Variants in RASA1 observed in about 807,000 individuals in gnomAD.
RASA1 encodes the protein ras GTPase-activating protein 1.
RASA1 carries 25 observed loss-of-function variants against 132.2 expected under a neutral mutation model. That is an observed-to-expected ratio of 0.19 (90% CI 0.14 to 0.26). The LOEUF is 0.26. RASA1 is among the 10% of genes least tolerant of loss of function. RASA1 has a pLI of 1.00. For missense variants in RASA1, 964 were observed against 1,299.2 expected (o/e 0.74, Z 3.97); for synonymous variants, 477 against 449.9 (o/e 1.06, Z -0.76).
rs1762555068 is a variant in RASA1 at position 87,391,910 on chromosome 5, T to G, written c.*1027T>G. On this transcript the variant is annotated 3_prime_UTR_variant, in exon 25 of 25. Coordinates refer to ENST00000274376, the MANE Select transcript of RASA1 (RefSeq NM_002890.3). ...TAAGTTAAAATAAAACCAAGGGATA[T>G]CTTGCATAATTGATTACTTCTGTCT... is the stretch of plus-strand genomic sequence containing the variant. 4.4e-6 allele frequency: 1 copy of G among 227,194 alleles called. No individual in the cohort carries two copies. Among genetic ancestry groups the G allele is most frequent in the Non-Finnish European group, 8.8e-6 (1 of 114,240 alleles). The allele number at this position is 227,194 out of a possible 1,614,324, so 14.1% of individuals were successfully genotyped here. A position where few individuals can be genotyped will look rare whatever the true frequency, so the allele number is the denominator to read the frequency against.
At chr5:87,370,384 C>T (rs938481401) in intron 12 of RASA1, among the ~76,000 whole-genome samples, 5 of 152,156 alleles carry the variant, frequency 3.3e-5, no homozygotes, top group African/African-American at 1.2e-4. Flanking sequence ...AGCTATTAAT[C>T]CATGTGCAGT....
At chr5:87,326,495 A>G (rs1757239418) in intron 1 of RASA1, among the ~76,000 whole-genome samples, 1 of 152,284 alleles carries the variant, frequency 6.6e-6, no homozygotes, top group East Asian at 1.9e-4. Flanking sequence ...GAAGACATGT[A>G]TGTACTTCTT....
chr5:87,390,662 A>T, intron 24 of RASA1, 138 bp from the exon 25 acceptor site: 3 of 738,892 alleles, frequency 4.1e-6, no homozygotes, highest in Non-Finnish European at 7.3e-6. Flanking sequence ...AATAATAGAG[A>T]CTTATGTTTT....
At chr5:87,281,131 C>T (rs1204956077) in intron 1 of RASA1, among the ~76,000 whole-genome samples, 1 of 151,912 alleles carries the variant, frequency 6.6e-6, no homozygotes, top group East Asian at 1.9e-4. Flanking sequence ...TATGGTAATT[C>T]TGTTTTTAAT....
In RASA1 at chr5:87,335,048, A is replaced by C. The variant is rs139240819; in HGVS notation, c.899+1711A>C. Reference sequence around the variant, plus strand: ...CAGGCGTGTGTCACCAAGTCCAGCTAAGTTTTGTAATTTAGTAGAGATGGG... The same window carrying C: ...CAGGCGTGTGTCACCAAGTCCAGCTCAGTTTTGTAATTTAGTAGAGATGGG... On this transcript the variant is annotated intron_variant, in intron 4 of 24. Coordinates refer to ENST00000274376, the MANE Select transcript of RASA1 (RefSeq NM_002890.3). 3.6e-3 allele frequency among the ~76,000 whole-genome samples: 553 copies of C among 152,248 alleles called. 9 individuals are homozygous for C. The highest frequency in any genetic ancestry group is 3.8e-3 in the Admixed American group (58 of 15,300).
chr5:87,338,398 C>G (rs1758134931), intron 5 of RASA1, among the ~76,000 whole-genome samples: 1 of 149,476 alleles, frequency 6.7e-6, no homozygotes, highest in Non-Finnish European at 1.5e-5. Context: ...GTGGCGTGAT[C>G]TCGGCTCACT....
At position 87,268,681 on chromosome 5, in the gene RASA1, T is replaced by G; in HGVS notation, c.230T>G (p.Val77Gly). The change falls in exon 1 of 25, where the codon GTG becomes GGG. Residue 77 changes from valine (V) to glycine (G), a missense_variant. Physicochemically the swap from Val to Gly is moderately radical, Grantham distance 109. Transcript: ENST00000274376. ...TCAGAGTTCCTAGGAGCCGGGTCTG[T>G]GGCAGGGGCACTGGGGGGAGCTGGA... is the stretch of plus-strand genomic sequence containing the variant. The part of the protein sequence containing the change: ...LGSEFLGAGS[V>G]AGALGGAGLT... 7.4e-6 allele frequency: 12 copies of G among 1,611,540 alleles called. No individual in the cohort carries two copies. Among genetic ancestry groups the G allele is most frequent in the Non-Finnish European group, 1.0e-5 (12 of 1,178,992 alleles).
chr5:87,307,049 G>A (rs1477969339), intron 1 of RASA1, among the ~76,000 whole-genome samples: 3 of 152,048 alleles, frequency 2.0e-5, no homozygotes, highest in Non-Finnish European at 4.4e-5. Flanking sequence ...AACCTTTTTT[G>A]TAGAGTTGGG....
intron 1 of RASA1, among the ~76,000 whole-genome samples, chr5:87,273,703 T>C (rs1398291687): frequency 6.7e-6 from 1 of 149,654 alleles, no homozygotes; most frequent in Non-Finnish European, 1.5e-5. Flanking sequence ...TCTTTTTCTT[T>C]TTTTTTTTTT....
rs772563173 is a variant in RASA1 at position 87,346,591 on chromosome 5, C to A, written c.1050-81C>A. The stretch of plus-strand genomic sequence containing the variant: ...ATTTTATCACTTTGAATTAAACTTA[C>A]TATATTGGTTGTTTAATTTTGATCA... On this transcript the variant is annotated intron_variant, in intron 6 of 24. Transcript: ENST00000274376. 8.8e-5 allele frequency: 71 copies of A among 806,562 alleles called. 1 individual carries two copies. The highest frequency in any genetic ancestry group is 2.4e-4 in the Admixed American group (11 of 44,978). The allele number at this position is 806,562 out of a possible 1,614,324, so 50.0% of individuals were successfully genotyped here.
chr5:87,354,168 T>C (rs1277775195), intron 9 of RASA1, among the ~76,000 whole-genome samples: 1 of 152,056 alleles, frequency 6.6e-6, no homozygotes, highest in Non-Finnish European at 1.5e-5. Flanking sequence ...GAATCATTAA[T>C]CTGAAGCTAA....
rs1211110181 is a variant in RASA1, at chr5:87,370,851, C to A, written c.1698+951C>A. ...GAGGAAGATGCTCTTAAAACTAGAT[C>A]CTAGCGTGAGACTCACAGAATAAAC... On this transcript the variant is annotated intron_variant, in intron 12 of 24. Coordinates refer to ENST00000274376, the MANE Select transcript of RASA1 (RefSeq NM_002890.3). Among the ~76,000 whole-genome samples, 4 of 152,214 alleles carry A rather than the reference C, an allele frequency of 2.6e-5. No homozygotes were observed. In the East Asian group the frequency reaches 7.7e-4, roughly 29 times the overall value.
rs541715012 is a variant in RASA1 at position 87,391,520 on chromosome 5, CAT to C, written c.*639_*640del. On this transcript the variant is annotated 3_prime_UTR_variant, in exon 25 of 25. Coordinates refer to ENST00000274376, the MANE Select transcript of RASA1 (RefSeq NM_002890.3). ...TTGCTCATCAGCTTTATTTTTTAAACATACGACTTATTTTGTTGAAATTGTCA... is the reference window on the plus strand; with the variant it reads ...TTGCTCATCAGCTTTATTTTTTAAACACGACTTATTTTGTTGAAATTGTCA... 2.1e-5 allele frequency: 5 copies of C among 237,630 alleles called. No homozygotes were observed. Among genetic ancestry groups the C allele is most frequent in the African/African-American group, 1.1e-4 (5 of 45,430 alleles). The allele number at this position is 237,630 out of a possible 1,614,324, so 14.7% of individuals were successfully genotyped here.
At chr5:87,353,069 T>C in intron 8 of RASA1, 88 bp from the exon 9 acceptor site, 1 of 1,037,332 alleles carries the variant, frequency 9.6e-7, no homozygotes, top group Non-Finnish European at 1.5e-6. Flanking sequence ...GCTAATTAGA[T>C]AATCCTTGGC....
intron 1 of RASA1, among the ~76,000 whole-genome samples, chr5:87,281,357 C>G (rs1171058487): frequency 2.0e-5 from 3 of 151,202 alleles, no homozygotes; most frequent in African/African-American, 7.3e-5. Flanking sequence ...TTACTGCAAT[C>G]TCCGCCTCCT....
intron 1 of RASA1, among the ~76,000 whole-genome samples, chr5:87,287,596 A>C (rs535087932): frequency 6.7e-6 from 1 of 149,456 alleles, no homozygotes; most frequent in African/African-American, 2.5e-5. Context: ...TACACCATAC[A>C]TATACACGCC....
chr5:87,370,142 A>G (rs1367197906), intron 12 of RASA1, among the ~76,000 whole-genome samples: 1 of 152,184 alleles, frequency 6.6e-6, no homozygotes, highest in African/African-American at 2.4e-5. Flanking sequence ...TAAATACTCT[A>G]TGATGTTGAG....
At chr5:87,319,357 T>G (rs1473347967) in intron 1 of RASA1, among the ~76,000 whole-genome samples, 1 of 152,236 alleles carries the variant, frequency 6.6e-6, no homozygotes, top group Non-Finnish European at 1.5e-5. Flanking sequence ...ACTGCCCTAG[T>G]AGAGGGTCTC....
chr5:87,325,108 C>T (rs1580265116), intron 1 of RASA1, among the ~76,000 whole-genome samples: 1 of 151,944 alleles, frequency 6.6e-6, no homozygotes, highest in South Asian at 2.1e-4. Flanking sequence ...ACAATCATGG[C>T]GGAAGGGGAA....
Sources: allele counts gnomAD v4.1 joint callset (sites outside exome capture counted in the v4.1 genomes callset), GRCh38; gene constraint gnomAD v4.1.1; transcripts MANE v1.5; gene names NCBI Gene and HGNC (gene_info 2026-07-23, HGNC 2026-07-21).